Variants in IL15 observed in about 807,000 individuals in gnomAD.
The protein encoded by IL15 is interleukin 15.
A neutral mutation model predicts 19.6 loss-of-function variants in IL15; 11 were observed. That is an observed-to-expected ratio of 0.56 (90% confidence interval 0.35 to 0.93). The LOEUF (loss-of-function observed/expected upper bound fraction) is 0.93, where lower values mean the gene tolerates loss of function less well. Ranked by LOEUF, IL15 falls within the 40% of genes least tolerant of loss-of-function variation. The pLI, the probability that IL15 is intolerant of heterozygous loss-of-function variation, is 0.01. For missense variants in IL15, 197 were observed against 186.5 expected, an observed-to-expected ratio of 1.06 and a Z score of -0.33; for synonymous variants, 58 against 59.6, an observed-to-expected ratio of 0.97 and a Z score of 0.12.
chr4:141,691,060 G>C (rs561414590), intron 2 of IL15, among the ~76,000 whole-genome samples: 1 of 13,758 alleles, frequency 7.3e-5, no homozygotes, highest in Non-Finnish European at 1.2e-4. Context: ...TACTACCTGA[G>C]ACTGGGTAAT....
intron 2 of IL15, among the ~76,000 whole-genome samples, chr4:141,660,315 T>A (rs1011935504): frequency 6.6e-6 from 1 of 152,216 alleles, no homozygotes; most frequent in African/African-American, 2.4e-5. Flanking sequence ...ACTAGGAACC[T>A]CACCAGTGCA....
At chr4:141,674,185 G>T (rs933367825) in intron 2 of IL15, among the ~76,000 whole-genome samples, 2 of 152,164 alleles carry the variant, frequency 1.3e-5, no homozygotes, top group African/African-American at 4.8e-5. Flanking sequence ...TTGGTTTTTG[G>T]TTTTTTTATT....
intron 1 of IL15, among the ~76,000 whole-genome samples, chr4:141,649,021 A>T (rs1394805224): frequency 6.6e-6 from 1 of 152,138 alleles, no homozygotes. Flanking sequence ...TATTGTTTGC[A>T]TGTAAACAGC....
intron 5 of IL15, among the ~76,000 whole-genome samples, chr4:141,725,385 A>G (rs1365347536): frequency 6.6e-6 from 1 of 152,166 alleles, no homozygotes; most frequent in Non-Finnish European, 1.5e-5. Flanking sequence ...TCTTTAGAAA[A>G]ACAGATAAGG....
chr4:141,656,971 A>G (rs1560904526), intron 2 of IL15, among the ~76,000 whole-genome samples: 2 of 152,190 alleles, frequency 1.3e-5, no homozygotes, highest in African/African-American at 4.8e-5. Flanking sequence ...GTATAACTTG[A>G]TGATGGAGAT....
intron 2 of IL15, among the ~76,000 whole-genome samples, chr4:141,672,773 C>G (rs1728217424): frequency 1.3e-5 from 2 of 152,192 alleles, no homozygotes; most frequent in South Asian, 4.1e-4. Flanking sequence ...ATCGTAGACT[C>G]TAGCTATAGG....
Position 141,654,040 on chromosome 4 carries a change from T to A in IL15, c.-221-2146T>A, listed in dbSNP as rs909128024. Reference sequence around the variant, plus strand: ...CTCAAGGAATGGAATACACTATTGTTTTAGGTCAGGTTCTTGGGAAGCAGA... The same window carrying A: ...CTCAAGGAATGGAATACACTATTGTATTAGGTCAGGTTCTTGGGAAGCAGA... On this transcript the variant is annotated intron_variant, in intron 1 of 7. Transcript: ENST00000320650. 3.9e-5 allele frequency among the ~76,000 whole-genome samples: 6 copies of A among 152,222 alleles called. 1 individual carries two copies. Among genetic ancestry groups the A allele is most frequent in the South Asian group, 4.1e-4 (2 of 4,830 alleles).
chr4:141,667,256 A>G (rs767320677), intron 2 of IL15, among the ~76,000 whole-genome samples: 2 of 152,196 alleles, frequency 1.3e-5, no homozygotes, highest in Non-Finnish European at 2.9e-5. Context: ...ATCAAACCCA[A>G]GGACCGGGCT....
intron 4 of IL15, 142 bp downstream of exon 4, chr4:141,720,708 C>T (rs2152189853): frequency 4.5e-6 from 3 of 668,022 alleles, no homozygotes; most frequent in East Asian, 5.5e-5. Flanking sequence ...AGGCAGACTA[C>T]AGAGATTTAG....
chr4:141,660,669 A>G (rs1421117544), intron 2 of IL15, among the ~76,000 whole-genome samples: 1 of 152,204 alleles, frequency 6.6e-6, no homozygotes, highest in East Asian at 1.9e-4. Flanking sequence ...TTTCTCTGTG[A>G]CATTACATAA....
chr4:141,685,703 T>A (rs1481079303), intron 2 of IL15, among the ~76,000 whole-genome samples: 2 of 152,324 alleles, frequency 1.3e-5, no homozygotes, highest in Admixed American at 1.3e-4. Context: ...GCTACAAATA[T>A]ATCTATTGAG....
intron 7 of IL15, 32 bp downstream of exon 7, chr4:141,730,016 T>A (rs371436702): frequency 2.5e-6 from 4 of 1,570,040 alleles, no homozygotes; most frequent in Non-Finnish European, 3.5e-6. Flanking sequence ...TAGAGTTGCA[T>A]CTTATGTTTT....
At chr4:141,648,550 T>A (rs996901986) in intron 1 of IL15, among the ~76,000 whole-genome samples, 1 of 152,066 alleles carries the variant, frequency 6.6e-6, no homozygotes, top group African/African-American at 2.4e-5. Flanking sequence ...TTAATTTATT[T>A]AGTGTCTCTT....
At chr4:141,682,467 C>T (rs1357010021) in intron 2 of IL15, among the ~76,000 whole-genome samples, 7 of 152,174 alleles carry the variant, frequency 4.6e-5, no homozygotes, top group African/African-American at 1.4e-4. Context: ...TAGAATATAT[C>T]TGTCAGAAAG....
intron 4 of IL15, chr4:141,721,433 G>A (rs1043831486): frequency 2.1e-5 from 13 of 623,022 alleles, no homozygotes; most frequent in South Asian, 6.2e-5. Flanking sequence ...AGCATAGTAA[G>A]AGTGTGAGCA....
chr4:141,662,214 A>G (rs551042003), intron 2 of IL15, among the ~76,000 whole-genome samples: 1 of 152,348 alleles, frequency 6.6e-6, no homozygotes, highest in African/African-American at 2.4e-5. Flanking sequence ...AGGTAGGTCA[A>G]GTTTATTGTT....
chr4:141,685,287 G>A (rs1464132077), intron 2 of IL15, among the ~76,000 whole-genome samples: 1 of 152,128 alleles, frequency 6.6e-6, no homozygotes, highest in East Asian at 1.9e-4. Flanking sequence ...AGGAGAGGGT[G>A]CATAGTTTTT....
chr4:141,706,313 A>T lies in IL15; in HGVS notation c.-99-13053A>T, dbSNP rs144257754. On this transcript the variant is annotated intron_variant, in intron 2 of 7. Coordinates refer to ENST00000320650, the MANE Select transcript of IL15 (RefSeq NM_000585.5). ...CTGATAGCAACTTAATTTTGTTCAC[A>T]TAAAAATACTCCAGATGTTTTCTCT... 7.4e-4 allele frequency among the ~76,000 whole-genome samples: 112 copies of T among 152,198 alleles called. 3 individuals are homozygous for T. In the East Asian group the frequency reaches 0.018, roughly 24 times the overall value.
intron 2 of IL15, chr4:141,718,679 G>C (rs1200313888): frequency 6.6e-6 from 1 of 152,002 alleles, no homozygotes; most frequent in African/African-American, 2.4e-5. Flanking sequence ...TTAATTCTTT[G>C]TGTTTATGGA....
Sources: gnomAD v4.1 joint callset for allele counts (sites outside exome capture counted in the v4.1 genomes callset) on GRCh38, gnomAD v4.1.1 for gene constraint, MANE v1.5 for transcripts, NCBI Gene and HGNC (gene_info 2026-07-23, HGNC 2026-07-21) for gene names.